Variants in KCNQ1 observed in about 807,000 individuals in gnomAD.
KCNQ1 encodes potassium voltage-gated channel subfamily Q member 1.
A neutral mutation model predicts 72.4 loss-of-function variants in KCNQ1; 49 were observed. The ratio of observed to expected loss-of-function variants is 0.68; its 90% confidence interval spans 0.54 to 0.86. KCNQ1 has a LOEUF of 0.86. Among genes scored for constraint, KCNQ1 ranks in the 40% least tolerant of loss-of-function variants. The pLI is 0.00. For missense variants in KCNQ1, 790 were observed against 945.1 expected (o/e 0.84, Z 2.15); for synonymous variants, 450 against 412.6 (o/e 1.09, Z -1.10).
At chr11:2,681,759 GGGGCCCT>G in intron 11 of KCNQ1, 1 of 398,408 alleles carries the variant, frequency 2.5e-6, no homozygotes, top group Non-Finnish European at 4.4e-6. Context: ...GGGCACTGTG[GGGGCCCT>G]GGGACCTGGG....
chr11:2,820,383 A>G (rs1564905347), intron 15 of KCNQ1, among the ~76,000 whole-genome samples: 1 of 152,158 alleles, frequency 6.6e-6, no homozygotes, highest in Non-Finnish European at 1.5e-5. Flanking sequence ...TTTTATTAAT[A>G]ATTTTCTATT....
chr11:2,445,611 G>A (rs538502276), intron 1 of KCNQ1, 127 bp downstream of exon 1: 3 of 1,123,638 alleles, frequency 2.7e-6, no homozygotes, highest in African/African-American at 3.1e-5. Flanking sequence ...GAAGGAAGTG[G>A]GGAAACGCAG....
chr11:2,805,725 A>C lies in KCNQ1; in HGVS notation c.1794+27688A>C, dbSNP rs1847357123. Reference sequence around the variant, plus strand: ...CTAAGAGTTTCAGTGAAGAGACGCAAGATGCAGAAATGAACCTAATTGTGT... The same window carrying C: ...CTAAGAGTTTCAGTGAAGAGACGCACGATGCAGAAATGAACCTAATTGTGT... On this transcript the variant is annotated intron_variant, in intron 15 of 15. Coordinates refer to ENST00000155840, the MANE Select transcript of KCNQ1 (RefSeq NM_000218.3). 4.6e-5 allele frequency among the ~76,000 whole-genome samples: 7 copies of C among 152,356 alleles called. No homozygotes were observed. In the South Asian group the frequency reaches 1.4e-3, roughly 32 times the overall value.
intron 10 of KCNQ1, among the ~76,000 whole-genome samples, chr11:2,606,279 G>A (rs887824471): frequency 1.3e-5 from 2 of 152,032 alleles, no homozygotes; most frequent in African/African-American, 4.8e-5. Flanking sequence ...GGATTCCTTG[G>A]GGTTTTCTGT....
rs1850182658 is a variant in KCNQ1, at chr11:2,671,481, T to G, written c.1514+9400T>G. ...CCAGCAGGGGATATACACAAAGATC[T>G]GAGAAAGGGATTATTTTTAGGGCCA... On this transcript the variant is annotated intron_variant, in intron 11 of 15. Transcript: ENST00000155840. This position sits in a 1 kb window ranked among gnomAD's most constrained non-coding sequence, Gnocchi z 4.7. 2 of 398,474 alleles carry G rather than the reference T, an allele frequency of 5.0e-6. No individual in the cohort carries two copies. The highest frequency in any genetic ancestry group is 8.8e-5 in the Admixed American group (2 of 22,716). 24.7% of individuals were successfully genotyped at this position (398,474 alleles called of 1,614,324 possible).
chr11:2,558,487 G>T (rs1170572922), intron 2 of KCNQ1, among the ~76,000 whole-genome samples: 1 of 152,218 alleles, frequency 6.6e-6, no homozygotes, highest in Non-Finnish European at 1.5e-5. Flanking sequence ...TCGGAGCAGA[G>T]ACTAGATGGG....
chr11:2,803,574 A>AGCCC lies in KCNQ1; in HGVS notation c.1794+25541_1794+25544dup, dbSNP rs1484897749. Among the ~76,000 whole-genome samples the AGCCC allele has an allele frequency of 6.6e-6, 1 of 152,034 alleles. No individual in the cohort carries two copies. Among genetic ancestry groups the AGCCC allele is most frequent in the East Asian group, 1.9e-4 (1 of 5,182 alleles). Reference sequence around the variant, plus strand: ...GCTGGGGGTGATGGGGCTTCAGTGGAGCCCGCCAGGACTGGGGACACAAGC... The same window carrying AGCCC: ...GCTGGGGGTGATGGGGCTTCAGTGGAGCCCGCCCGCCAGGACTGGGGACACAAGC... On this transcript the variant is annotated intron_variant, in intron 15 of 15. Transcript: ENST00000155840. This position sits in a 1 kb window ranked among gnomAD's most constrained non-coding sequence, Gnocchi z 6.4.
chr11:2,611,208 T>C lies in KCNQ1; in HGVS notation c.1393+22354T>C, dbSNP rs1314218176. 1 of 398,390 alleles carries C rather than the reference T, an allele frequency of 2.5e-6. No individual in the cohort carries two copies. The highest frequency in any genetic ancestry group is 2.1e-5 in the African/African-American group (1 of 48,594). The allele number at this position is 398,390 out of a possible 1,614,324, so 24.7% of individuals were successfully genotyped here. A position where few individuals can be genotyped will look rare whatever the true frequency, so the allele number is the denominator to read the frequency against. ...TGGTTTGTTTTTAAAGTCTATTTTG[T>C]CTGATTTTATTTATTTTTATTTTAT... On this transcript the variant is annotated intron_variant, in intron 10 of 15. Coordinates refer to ENST00000155840, the MANE Select transcript of KCNQ1 (RefSeq NM_000218.3). The surrounding 1 kb of genome is among the most constrained non-coding windows in gnomAD (Gnocchi z 5.3).
intron 1 of KCNQ1, among the ~76,000 whole-genome samples, chr11:2,453,199 C>T (rs897161833): frequency 2.0e-5 from 3 of 152,170 alleles, no homozygotes; most frequent in Admixed American, 6.5e-5. Context: ...CGTGGTGAAA[C>T]CCTGTCTCTA....
intron 6 of KCNQ1, among the ~76,000 whole-genome samples, chr11:2,578,214 G>T (rs949648831): frequency 6.6e-6 from 1 of 152,194 alleles, no homozygotes. Context: ...GCACCTTCCC[G>T]AGAGGGGGAA....
intron 11 of KCNQ1, chr11:2,681,620 C>T: frequency 2.5e-6 from 1 of 395,458 alleles, no homozygotes; most frequent in Non-Finnish European, 4.4e-6. Flanking sequence ...CCCACCCCCA[C>T]CCAACCTCCC....
chr11:2,521,375 T>G (rs10400376), intron 1 of KCNQ1: 298,460 of 389,414 alleles, frequency 0.77, 115,022 homozygotes, highest in East Asian at 0.83. Flanking sequence ...CACTGTGTGT[T>G]ATCCGGTGTC....
rs988784380 is a variant in KCNQ1, at chr11:2,759,846, A to G, written c.1515-8998A>G. Among the ~76,000 whole-genome samples, 3 of 152,026 alleles carry G rather than the reference A, an allele frequency of 2.0e-5. No homozygotes were observed. The highest frequency in any genetic ancestry group is 4.4e-5 in the Non-Finnish European group (3 of 67,976). On this transcript the variant is annotated intron_variant, in intron 11 of 15. Coordinates refer to ENST00000155840, the MANE Select transcript of KCNQ1 (RefSeq NM_000218.3). This position sits in a 1 kb window ranked among gnomAD's most constrained non-coding sequence, Gnocchi z 4.4. ...CTCCACCCTGGGCATCTCCAGGCCCAGCCCCACCCTGAGCTGTACTGGACC... is the reference window on the plus strand; with the variant it reads ...CTCCACCCTGGGCATCTCCAGGCCCGGCCCCACCCTGAGCTGTACTGGACC...
At chr11:2,846,792 C>T (rs1201742948) in intron 15 of KCNQ1, among the ~76,000 whole-genome samples, 5 of 152,280 alleles carry the variant, frequency 3.3e-5, no homozygotes, top group Non-Finnish European at 5.9e-5. Flanking sequence ...GCTGTCCACT[C>T]GTTTGGGGCT....
chr11:2,609,617 G>A (rs1382573975), intron 10 of KCNQ1: 3 of 398,240 alleles, frequency 7.5e-6, no homozygotes, highest in African/African-American at 4.1e-5. Flanking sequence ...TGAAAGTGGA[G>A]TGTTGAAGTC....
chr11:2,729,731 A>T (rs932468313), intron 11 of KCNQ1, among the ~76,000 whole-genome samples: 1 of 152,144 alleles, frequency 6.6e-6, no homozygotes. Flanking sequence ...ACCATTTCGT[A>T]TCGGGGGCTT....
intron 1 of KCNQ1, among the ~76,000 whole-genome samples, chr11:2,485,719 A>G (rs1846730848): frequency 6.6e-6 from 1 of 151,962 alleles, no homozygotes; most frequent in East Asian, 1.9e-4. Flanking sequence ...CCTGGCACCT[A>G]CCATTTACCT....
chr11:2,612,912 T>G lies in KCNQ1; in HGVS notation c.1393+24058T>G. The G allele has an allele frequency of 2.5e-6, 1 of 398,642 alleles. No homozygotes were observed. The highest frequency in any genetic ancestry group is 4.4e-5 in the Admixed American group (1 of 22,740). 24.7% of individuals were successfully genotyped at this position (398,642 alleles called of 1,614,324 possible). ...TTCTGTTACTCATTTATTTGTTTGC[T>G]CGCTTGTGTATGCCTTCTCTGCATG... is the stretch of plus-strand genomic sequence containing the variant. On this transcript the variant is annotated intron_variant, in intron 10 of 15. Coordinates refer to ENST00000155840, the MANE Select transcript of KCNQ1 (RefSeq NM_000218.3). This position sits in a 1 kb window ranked among gnomAD's most constrained non-coding sequence, Gnocchi z 5.5.
chr11:2,762,841 G>A lies in KCNQ1; in HGVS notation c.1515-6003G>A, dbSNP rs997528428. On this transcript the variant is annotated intron_variant, in intron 11 of 15. Transcript: ENST00000155840. This position sits in a 1 kb window ranked among gnomAD's most constrained non-coding sequence, Gnocchi z 4.3. ...CGTCCACGGAAAAAGTGTCTTCCACGAAACTGGTCCCTGGTGCCAAAAAGG... is the reference window on the plus strand; with the variant it reads ...CGTCCACGGAAAAAGTGTCTTCCACAAAACTGGTCCCTGGTGCCAAAAAGG... 3.3e-5 allele frequency among the ~76,000 whole-genome samples: 5 copies of A among 150,898 alleles called. No homozygotes were observed. The highest frequency in any genetic ancestry group is 7.3e-5 in the African/African-American group (3 of 40,902).
Sources: allele counts gnomAD v4.1 joint callset (sites outside exome capture counted in the v4.1 genomes callset), GRCh38; gene constraint gnomAD v4.1.1; non-coding constraint Gnocchi (gnomAD v3.1); transcripts MANE v1.5; gene names NCBI Gene and HGNC (gene_info 2026-07-23, HGNC 2026-07-21).